Variants in RALGPS2 observed in about 807,000 individuals in gnomAD.
The protein encoded by RALGPS2 is ras-specific guanine nucleotide-releasing factor RalGPS2.
RALGPS2 carries 43 observed loss-of-function variants against 86.8 expected under a neutral mutation model. The ratio of observed to expected loss-of-function variants is 0.50; its 90% CI spans 0.39 to 0.64. The LOEUF is 0.64. RALGPS2 is among the 30% of genes least tolerant of loss of function. RALGPS2 has a pLI of 0.00. For synonymous variants in RALGPS2, 243 were observed against 231.3 expected, an observed-to-expected ratio of 1.05 and a Z score of -0.46; for missense variants, 536 against 694.6, an observed-to-expected ratio of 0.77 and a Z score of 2.57.
intron 2 of RALGPS2, among the ~76,000 whole-genome samples, chr1:178,783,928 T>C (rs1034471595): frequency 5.9e-5 from 9 of 152,142 alleles, no homozygotes; most frequent in African/African-American, 2.2e-4. Flanking sequence ...TAGTATTAAT[T>C]GTACTATCAC....
intron 1 of RALGPS2, among the ~76,000 whole-genome samples, chr1:178,775,309 C>T (rs1207505157): frequency 6.6e-6 from 1 of 152,124 alleles, no homozygotes; most frequent in Non-Finnish European, 1.5e-5. Context: ...TTTTAAATCA[C>T]TATATCCTAT....
intron 4 of RALGPS2, among the ~76,000 whole-genome samples, chr1:178,799,626 A>T (rs1382980210): frequency 6.6e-6 from 1 of 152,140 alleles, no homozygotes; most frequent in African/African-American, 2.4e-5. Context: ...GGTTCCATTG[A>T]TGCTTTGTCT....
intron 7 of RALGPS2, among the ~76,000 whole-genome samples, chr1:178,831,302 C>T (rs1191114879): frequency 2.6e-5 from 4 of 152,114 alleles, no homozygotes; most frequent in Non-Finnish European, 5.9e-5. Flanking sequence ...ATCTGCACCC[C>T]GGGTCTAAGA....
rs1487687906 is a variant in RALGPS2, at chr1:178,920,650, C to T, written c.*4291C>T. On this transcript the variant is annotated 3_prime_UTR_variant, in exon 20 of 20. Coordinates refer to ENST00000367635, the MANE Select transcript of RALGPS2 (RefSeq NM_152663.5). Reference sequence around the variant, plus strand: ...ACCCCAGTCAACCTTTAGATAAGCACTCTTAAAAACAAATTTGAAGAGCAC... The same window carrying T: ...ACCCCAGTCAACCTTTAGATAAGCATTCTTAAAAACAAATTTGAAGAGCAC... 1 of 151,956 alleles carries T rather than the reference C, an allele frequency of 6.6e-6. No individual in the cohort carries two copies. Among genetic ancestry groups the T allele is most frequent in the African/African-American group, 2.4e-5 (1 of 41,398 alleles). 9.4% of individuals were successfully genotyped at this position (151,956 alleles called of 1,614,324 possible).
intron 17 of RALGPS2, among the ~76,000 whole-genome samples, chr1:178,899,429 A>G (rs972023610): frequency 2.0e-5 from 3 of 151,846 alleles, no homozygotes; most frequent in Non-Finnish European, 4.4e-5. Context: ...AGACAGGTCT[A>G]TATCTATATT....
intron 16 of RALGPS2, among the ~76,000 whole-genome samples, chr1:178,895,559 G>T (rs1268890829): frequency 6.6e-6 from 1 of 152,090 alleles, no homozygotes; most frequent in Non-Finnish European, 1.5e-5. Context: ...AATGAGGAAG[G>T]TGAGTTAGCT....
intron 1 of RALGPS2, among the ~76,000 whole-genome samples, chr1:178,730,060 GCTTCC>G (rs1650247977): frequency 6.6e-6 from 1 of 152,142 alleles, no homozygotes; most frequent in Non-Finnish European, 1.5e-5. Flanking sequence ...TCCTGCCTCA[GCTTCC>G]CAGGTAGCTG....
rs142548582 is a variant in RALGPS2, at chr1:178,860,523, A to G, written c.608-16975A>G. Among the ~76,000 whole-genome samples the G allele has an allele frequency of 5.9e-3, 906 of 152,298 alleles. 15 individuals carry two copies. The highest frequency in any genetic ancestry group is 0.021 in the African/African-American group (878 of 41,552). On this transcript the variant is annotated intron_variant, in intron 8 of 19. Coordinates refer to ENST00000367635, the MANE Select transcript of RALGPS2 (RefSeq NM_152663.5). Reference sequence around the variant, plus strand: ...TTAAGAACATTTATATTGTACAGCCATCACCACCATCCTTCTCCAGAACTC... The same window carrying G: ...TTAAGAACATTTATATTGTACAGCCGTCACCACCATCCTTCTCCAGAACTC...
intron 6 of RALGPS2, among the ~76,000 whole-genome samples, chr1:178,812,017 A>C (rs1655008648): frequency 6.6e-6 from 1 of 152,192 alleles, no homozygotes; most frequent in Non-Finnish European, 1.5e-5. Flanking sequence ...AGGGGGAGTG[A>C]GCCCTTCCCT....
At chr1:178,833,868 A>G (rs1656143321) in intron 8 of RALGPS2, among the ~76,000 whole-genome samples, 2 of 152,170 alleles carry the variant, frequency 1.3e-5, no homozygotes, top group Admixed American at 6.5e-5. Flanking sequence ...ATGATGTTTA[A>G]TACATTAAGG....
chr1:178,877,619 G>A lies in RALGPS2; in HGVS notation c.729G>A (p.Gln243=), dbSNP rs771172593. The change falls in exon 9 of 20, where the codon CAG becomes CAA. Residue 243 remains glutamine, a synonymous_variant. Transcript: ENST00000367635. The part of the protein sequence containing the change: ...NNILRIISDL[Q]QSCEYDIPML... ...TCCTTCGAATAATTTCTGATTTACA[G>A]CAGTCTTGTGAATATGGTAAGTTTC... 25 of 1,613,016 alleles carry A rather than the reference G, an allele frequency of 1.5e-5. No individual in the cohort carries two copies. Among genetic ancestry groups the A allele is most frequent in the Non-Finnish European group, 2.1e-5 (25 of 1,179,354 alleles).
At chr1:178,782,834 C>G (rs1322768471) in intron 2 of RALGPS2, among the ~76,000 whole-genome samples, 1 of 152,128 alleles carries the variant, frequency 6.6e-6, no homozygotes, top group Non-Finnish European at 1.5e-5. Flanking sequence ...ACACCTATAA[C>G]AACACCAAAT....
chr1:178,725,588 A>AGCTGGG (rs1039757348), intron 1 of RALGPS2, 169 bp downstream of exon 1: 15 of 151,028 alleles, frequency 9.9e-5, no homozygotes, highest in Admixed American at 2.6e-4. Flanking sequence ...GGGGCTGCGG[A>AGCTGGG]GCTGGGGCTG....
chr1:178,728,534 G>A (rs920652548), intron 1 of RALGPS2, among the ~76,000 whole-genome samples: 2 of 151,150 alleles, frequency 1.3e-5, no homozygotes, highest in African/African-American at 4.9e-5. Context: ...ATTGTGTAAC[G>A]ACTGTATTTG....
chr1:178,753,947 T>C (rs1194022516), intron 1 of RALGPS2, among the ~76,000 whole-genome samples: 1 of 152,024 alleles, frequency 6.6e-6, no homozygotes, highest in Non-Finnish European at 1.5e-5. Flanking sequence ...TTCTCCTGCC[T>C]CAGCCTCCCG....
chr1:178,902,344 C>A, intron 18 of RALGPS2, 133 bp downstream of exon 18: 2 of 591,078 alleles, frequency 3.4e-6, no homozygotes, highest in Admixed American at 3.0e-5. Flanking sequence ...TGAGCCAAAA[C>A]CTAGTTTCAC....
chr1:178,729,908 A>G (rs750165404), intron 1 of RALGPS2, among the ~76,000 whole-genome samples: 6 of 152,080 alleles, frequency 3.9e-5, no homozygotes, highest in Non-Finnish European at 7.4e-5. Flanking sequence ...TTTAAAAATT[A>G]TATACTTTTA....
At chr1:178,771,090 C>A (rs555847540) in intron 1 of RALGPS2, among the ~76,000 whole-genome samples, 1 of 152,056 alleles carries the variant, frequency 6.6e-6, no homozygotes, top group Non-Finnish European at 1.5e-5. Flanking sequence ...CCACCTGCCT[C>A]GGCCTCCCAA....
chr1:178,906,062 A>C (rs771647207), intron 18 of RALGPS2, among the ~76,000 whole-genome samples: 20 of 152,204 alleles, frequency 1.3e-4, no homozygotes, highest in Admixed American at 3.3e-4. Context: ...GGCATGTTAA[A>C]ACTTAACATT....
Sources: gnomAD v4.1 joint callset for allele counts (sites outside exome capture counted in the v4.1 genomes callset) on GRCh38, gnomAD v4.1.1 for gene constraint, MANE v1.5 for transcripts, NCBI Gene and HGNC (gene_info 2026-07-23, HGNC 2026-07-21) for gene names.